SNTG1: variants seen among roughly 807,000 people sequenced by gnomAD.
SNTG1 encodes syntrophin gamma 1, also known as gamma-1-syntrophin.
A neutral mutation model predicts 74.7 loss-of-function variants in SNTG1; 39 were observed. The ratio of observed to expected loss-of-function variants is 0.52; its 90% confidence interval spans 0.40 to 0.68. The LOEUF is 0.68. SNTG1 is among the 30% of genes least tolerant of loss of function. The probability of loss-of-function intolerance (pLI) is 0.00; values close to 1 mark genes in which losing one functional copy is unlikely to be tolerated. For missense variants in SNTG1, 685 were observed against 609.5 expected (o/e 1.12, Z -1.30); for synonymous variants, 254 against 217.1 (o/e 1.17, Z -1.49).
intron 1 of SNTG1, among the ~76,000 whole-genome samples, chr8:50,003,245 A>G (rs1001493422): frequency 1.3e-5 from 2 of 152,204 alleles, no homozygotes; most frequent in Non-Finnish European, 2.9e-5. Context: ...TGATGATATA[A>G]AAATTGTCTC....
intron 1 of SNTG1, among the ~76,000 whole-genome samples, chr8:50,138,820 A>G (rs1330904391): frequency 6.6e-6 from 1 of 151,992 alleles, no homozygotes; most frequent in Admixed American, 6.6e-5. Context: ...ATTGAAATTC[A>G]TAAAAGTGGG....
At chr8:49,966,191 G>A (rs1036402498) in intron 1 of SNTG1, among the ~76,000 whole-genome samples, 2 of 152,090 alleles carry the variant, frequency 1.3e-5, no homozygotes, top group Non-Finnish European at 2.9e-5. Flanking sequence ...AATTAGGTTT[G>A]AAGCTTTGGT....
At chr8:50,568,223 A>ATGTT (rs199758100) in intron 12 of SNTG1, among the ~76,000 whole-genome samples, 2,607 of 146,700 alleles carry the variant, frequency 0.018, 47 homozygotes, top group South Asian at 0.045. Context: ...TCCATTGTCC[A>ATGTT]TGTTTGTGTG....
At position 50,543,112 on chromosome 8, in the gene SNTG1, T is replaced by C. The variant is rs2130487541; in HGVS notation, c.680+6304T>C. 1.3e-5 allele frequency among the ~76,000 whole-genome samples: 2 copies of C among 152,340 alleles called. 1 individual carries two copies. Among genetic ancestry groups the C allele is most frequent in the South Asian group, 4.1e-4 (2 of 4,832 alleles). Reference sequence around the variant, plus strand: ...GTAATAACATTTGTCTATTTTTGCTTTGGCTGTGCTTTTGACGTCTTACAG... The same window carrying C: ...GTAATAACATTTGTCTATTTTTGCTCTGGCTGTGCTTTTGACGTCTTACAG... On this transcript the variant is annotated intron_variant, in intron 11 of 18. Transcript: ENST00000642720.
At chr8:50,488,885 A>G (rs999226732) in intron 8 of SNTG1, among the ~76,000 whole-genome samples, 10 of 152,148 alleles carry the variant, frequency 6.6e-5, no homozygotes, top group Admixed American at 3.3e-4. Flanking sequence ...CCATCAACCC[A>G]TCATCTACAT....
intron 2 of SNTG1, among the ~76,000 whole-genome samples, chr8:50,235,251 T>A (rs1228247523): frequency 6.6e-6 from 1 of 152,078 alleles, no homozygotes; most frequent in African/African-American, 2.4e-5. Context: ...TATAGTGGAA[T>A]ACTACTCTGT....
At chr8:50,739,092 A>C (rs144843470) in intron 17 of SNTG1, among the ~76,000 whole-genome samples, 2,446 of 152,280 alleles carry the variant, frequency 0.016, 39 homozygotes, top group Middle Eastern at 0.037. Context: ...GAGCTTCTGC[A>C]CAGCGAAAGA....
chr8:50,525,055 C>T (rs1218628132), intron 9 of SNTG1, among the ~76,000 whole-genome samples: 2 of 151,992 alleles, frequency 1.3e-5, no homozygotes, highest in African/African-American at 4.8e-5. Flanking sequence ...TTTTGTAAAA[C>T]AGTTCTAGTG....
At chr8:49,911,025 A>G (rs867589420), upstream of SNTG1, 1 of 152,198 alleles carries the variant, frequency 6.6e-6, no homozygotes, top group African/African-American at 2.4e-5. Context: ...TCCCGATCCA[A>G]TTCAGCAGCG....
At chr8:50,063,686 TCTC>T (rs1461844006) in intron 1 of SNTG1, among the ~76,000 whole-genome samples, 1 of 152,148 alleles carries the variant, frequency 6.6e-6, no homozygotes, top group Non-Finnish European at 1.5e-5. Context: ...ATCACCCTTT[TCTC>T]CTGGAAACCA....
chr8:50,320,255 A>C (rs2130807035), intron 2 of SNTG1, among the ~76,000 whole-genome samples: 1 of 152,316 alleles, frequency 6.6e-6, no homozygotes, highest in Non-Finnish European at 1.5e-5. Flanking sequence ...GTATGTGTCT[A>C]GGAATCTGTT....
intron 12 of SNTG1, among the ~76,000 whole-genome samples, chr8:50,571,262 A>G (rs1343923417): frequency 1.3e-5 from 2 of 152,186 alleles, no homozygotes; most frequent in Non-Finnish European, 2.9e-5. Flanking sequence ...TGGAGTTAGC[A>G]TGGCCTTCAT....
intron 13 of SNTG1, among the ~76,000 whole-genome samples, chr8:50,640,759 C>G (rs1195613228): frequency 6.6e-6 from 1 of 152,130 alleles, no homozygotes; most frequent in Non-Finnish European, 1.5e-5. Context: ...GTCTCCTTAA[C>G]ACATTCTCAT....
chr8:50,026,649 A>T (rs963806343), intron 1 of SNTG1, among the ~76,000 whole-genome samples: 7 of 152,064 alleles, frequency 4.6e-5, no homozygotes, highest in Non-Finnish European at 7.4e-5. Flanking sequence ...TCTCAAACAG[A>T]AGGGTATTAA....
At chr8:50,024,959 G>A (rs780430526) in intron 1 of SNTG1, among the ~76,000 whole-genome samples, 63 of 151,938 alleles carry the variant, frequency 4.1e-4, no homozygotes, top group Non-Finnish European at 7.4e-4. Context: ...AATTCTACAA[G>A]TCGTTTATTT....
intron 13 of SNTG1, among the ~76,000 whole-genome samples, chr8:50,619,911 A>G (rs868450279): frequency 9.8e-5 from 12 of 122,978 alleles, no homozygotes; most frequent in African/African-American, 3.7e-4. Context: ...ATGTCTGCAG[A>G]AAAAAAAAAA....
chr8:50,206,566 C>G (rs2084248358), intron 2 of SNTG1, among the ~76,000 whole-genome samples: 2 of 152,104 alleles, frequency 1.3e-5, no homozygotes, highest in African/African-American at 4.8e-5. Flanking sequence ...ATTTCTTTCT[C>G]CTTCCTGATT....
At chr8:50,261,211 T>A (rs1018172185) in intron 2 of SNTG1, among the ~76,000 whole-genome samples, 1 of 152,200 alleles carries the variant, frequency 6.6e-6, no homozygotes, top group African/African-American at 2.4e-5. Flanking sequence ...GTATCACTCT[T>A]GTCATCAGAA....
intron 2 of SNTG1, among the ~76,000 whole-genome samples, chr8:50,318,977 ATATG>A (rs1476212426): frequency 1.3e-5 from 2 of 151,784 alleles, no homozygotes; most frequent in Non-Finnish European, 2.9e-5. Context: ...ATTTATATAT[ATATG>A]TATGTATATG....
Sources: gnomAD v4.1 joint callset for allele counts (sites outside exome capture counted in the v4.1 genomes callset) on GRCh38, gnomAD v4.1.1 for gene constraint, MANE v1.5 for transcripts, NCBI Gene and HGNC (gene_info 2026-07-23, HGNC 2026-07-21) for gene names.